The following IL12RB2 variants were observed in gnomAD, a reference collection of about 807,000 sequenced individuals.
IL12RB2 encodes the protein interleukin-12 receptor subunit beta-2.
Under a neutral mutation model 89.4 loss-of-function variants are expected in IL12RB2, and 82 were observed. The observed-to-expected ratio is 0.92, with a 90% CI of 0.77 to 1.10. The LOEUF (loss-of-function observed/expected upper bound fraction) is 1.10. IL12RB2 is among the 50% of genes least tolerant of loss of function. The pLI, the probability that IL12RB2 is intolerant of heterozygous loss-of-function variation, is 0.00. For synonymous variants in IL12RB2, 368 were observed against 370.1 expected (o/e 0.99, Z 0.07); for missense variants, 963 against 1,031.9 (o/e 0.93, Z 0.92).
rs746456201 is a variant in IL12RB2 at position 67,321,605 on chromosome 1, C to G, written c.80C>G (p.Ala27Gly). The change falls in exon 4 of 17, where the codon GCG becomes GGG. Residue 27 changes from alanine to glycine, a missense_variant. Coordinates refer to ENST00000674203, the MANE Select transcript of IL12RB2 (RefSeq NM_001374259.2). ...TWLLIKAKID[A>G]CKRGDVTVKP... The stretch of plus-strand genomic sequence containing the variant: ...TTGCATCTGTATCTTATTGCAGATG[C>G]GTGCAAGAGAGGCGATGTGACTGTG... 2.5e-6 allele frequency: 4 copies of G among 1,588,730 alleles called. No homozygotes were observed. The highest frequency in any genetic ancestry group is 3.5e-6 in the Non-Finnish European group (4 of 1,157,382).
At chr1:67,355,802 A>G (rs1195874060) in intron 10 of IL12RB2, among the ~76,000 whole-genome samples, 1 of 152,218 alleles carries the variant, frequency 6.6e-6, no homozygotes, top group East Asian at 1.9e-4. Context: ...GGAGAAGGTG[A>G]GTTGTTAGCA....
At chr1:67,347,453 A>G (rs1660364113) in intron 9 of IL12RB2, among the ~76,000 whole-genome samples, 1 of 152,218 alleles carries the variant, frequency 6.6e-6, no homozygotes, top group South Asian at 2.1e-4. Context: ...AATTAAAAAT[A>G]AAAACAGATG....
chr1:67,321,058 A>G (rs2100593996), intron 3 of IL12RB2, among the ~76,000 whole-genome samples: 1 of 149,116 alleles, frequency 6.7e-6, no homozygotes, highest in Non-Finnish European at 1.5e-5. Flanking sequence ...GCCGTCCACA[A>G]GTTTGGTTTG....
At chr1:67,362,435 G>A (rs904885819) in intron 10 of IL12RB2, among the ~76,000 whole-genome samples, 1 of 147,018 alleles carries the variant, frequency 6.8e-6, no homozygotes, top group African/African-American at 2.5e-5. Flanking sequence ...GCGCGGTGGC[G>A]GGCGCCTGTA....
chr1:67,311,056 G>A (rs921317761), intron 1 of IL12RB2, among the ~76,000 whole-genome samples: 1 of 152,120 alleles, frequency 6.6e-6, no homozygotes, highest in Non-Finnish European at 1.5e-5. Flanking sequence ...TTTTACAGAT[G>A]AAGGAACTTA....
chr1:67,340,783 G>A (rs1200706317), intron 9 of IL12RB2, among the ~76,000 whole-genome samples: 1 of 152,234 alleles, frequency 6.6e-6, no homozygotes, highest in Non-Finnish European at 1.5e-5. Context: ...GTGATGCTTG[G>A]TAAATGTGAG....
At chr1:67,309,593 A>T (rs1654747931) in intron 1 of IL12RB2, among the ~76,000 whole-genome samples, 1 of 152,226 alleles carries the variant, frequency 6.6e-6, no homozygotes, top group African/African-American at 2.4e-5. Flanking sequence ...GCTCTTTTCC[A>T]TATGTCATGC....
intron 10 of IL12RB2, among the ~76,000 whole-genome samples, chr1:67,362,908 C>CA (rs1557447797): frequency 1.7e-5 from 2 of 115,346 alleles, no homozygotes; most frequent in Non-Finnish European, 4.2e-5. Context: ...TTTAATTACT[C>CA]GTTTTTTTTT....
Position 67,315,681 on chromosome 1 carries a change from A to G in IL12RB2, c.-37+1681A>G, listed in dbSNP as rs373846691. On this transcript the variant is annotated intron_variant, in intron 2 of 16. Coordinates refer to ENST00000674203, the MANE Select transcript of IL12RB2 (RefSeq NM_001374259.2). ...AAGACCCAAAGAAGTAGAGTCAGTT[A>G]CTTAAATATTGGATTGAGCAAAGAA... 5.9e-5 allele frequency among the ~76,000 whole-genome samples: 9 copies of G among 152,368 alleles called. No individual in the cohort carries two copies. In the East Asian group the frequency reaches 7.7e-4, roughly 13 times the overall value.
intron 5 of IL12RB2, 83 bp downstream of exon 5, chr1:67,326,932 T>A (rs371521078): frequency 9.5e-7 from 1 of 1,054,868 alleles, no homozygotes; most frequent in Non-Finnish European, 1.2e-6. Flanking sequence ...TCTTTATTTA[T>A]TTTTATTTTA....
In IL12RB2 at chr1:67,395,611, C is replaced by T. The variant is rs761763122; in HGVS notation, c.2111C>T (p.Pro704Leu). ...TGGCCCACGCCTGAAGATCCTGAAC[C>T]GCTGGTCATCAGTGAAGTCCTTCAT... is the stretch of plus-strand genomic sequence containing the variant. Reference protein sequence around the residue: ...IDWPTPEDPEPLVISEVLHQV... With the variant: ...IDWPTPEDPELLVISEVLHQV... The change falls in exon 17 of 17, where the codon CCG (proline) becomes CTG (leucine). Residue 704 changes from proline (P) to leucine (L), a missense_variant. Physicochemically the swap from Pro to Leu is moderately conservative, Grantham distance 98. Coordinates refer to ENST00000674203, the MANE Select transcript of IL12RB2 (RefSeq NM_001374259.2). 9.3e-6 allele frequency: 15 copies of T among 1,614,088 alleles called. 1 individual carries two copies. Among genetic ancestry groups the T allele is most frequent in the East Asian group, 2.2e-5 (1 of 44,894 alleles).
chr1:67,363,919 G>A (rs182732229), intron 10 of IL12RB2, among the ~76,000 whole-genome samples: 1 of 152,252 alleles, frequency 6.6e-6, no homozygotes, highest in East Asian at 1.9e-4. Flanking sequence ...AACAAAATGA[G>A]GGATAGATGA....
chr1:67,378,848 CAAAAAAAAAAA>C (rs56260019), intron 13 of IL12RB2, among the ~76,000 whole-genome samples: 1 of 91,902 alleles, frequency 1.1e-5, no homozygotes, highest in South Asian at 3.5e-4. Flanking sequence ...AGACTCTTCT[CAAAAAAAAAAA>C]AAAAAAAAAA....
chr1:67,359,509 G>A (rs966712939), intron 10 of IL12RB2, among the ~76,000 whole-genome samples: 1 of 152,082 alleles, frequency 6.6e-6, no homozygotes, highest in Non-Finnish European at 1.5e-5. Context: ...ATCACTTGTG[G>A]TTAGGAGTTC....
In IL12RB2 at chr1:67,338,659, C is replaced by T. The variant is rs748707538; in HGVS notation, c.994C>T (p.Arg332Trp). ...TGMLDVWYMK[R>W]HIDYSRQQIS... ...GATGTTAGATGTCTGGTACATGAAACGGCACATTGACTACAGTAGACAACA... is the reference window on the plus strand; with the variant it reads ...GATGTTAGATGTCTGGTACATGAAATGGCACATTGACTACAGTAGACAACA... Residue 332 changes from arginine (R) to tryptophan (W), a missense_variant, in exon 9 of 17, where the codon CGG (arginine) becomes TGG (tryptophan). Arg to Trp is a moderately radical substitution (Grantham distance 101). Transcript: ENST00000674203. 1.6e-5 allele frequency: 25 copies of T among 1,560,012 alleles called. No individual in the cohort carries two copies. The highest frequency in any genetic ancestry group is 1.2e-4 in the Admixed American group (7 of 59,910).
intron 14 of IL12RB2, among the ~76,000 whole-genome samples, chr1:67,382,848 G>A (rs1250753488): frequency 1.3e-5 from 2 of 151,956 alleles, no homozygotes; most frequent in Non-Finnish European, 2.9e-5. Context: ...TGAGACTATA[G>A]GCTCCTGCCA....
Position 67,338,658 on chromosome 1 carries a change from A to G in IL12RB2, c.993A>G (p.Lys331=), listed in dbSNP as rs943199534. ...PTGMLDVWYM[K]RHIDYSRQQI... is the part of the protein sequence containing the mutation. ...GGATGTTAGATGTCTGGTACATGAA[A>G]CGGCACATTGACTACAGTAGACAAC... Residue 331 remains lysine (K), a synonymous_variant, in exon 9 of 17, where the codon AAA becomes AAG. Transcript: ENST00000674203. 2.5e-5 allele frequency: 39 copies of G among 1,561,304 alleles called. No homozygotes were observed. Among genetic ancestry groups the G allele is most frequent in the Non-Finnish European group, 3.3e-5 (37 of 1,131,860 alleles).
intron 2 of IL12RB2, among the ~76,000 whole-genome samples, chr1:67,315,061 A>G (rs1655589429): frequency 6.6e-6 from 1 of 152,112 alleles, no homozygotes; most frequent in Admixed American, 6.5e-5. Context: ...GGGATTCTGA[A>G]CTTCTCATAA....
intron 10 of IL12RB2, among the ~76,000 whole-genome samples, chr1:67,359,455 C>T (rs1298499491): frequency 6.6e-6 from 1 of 152,172 alleles, no homozygotes; most frequent in Non-Finnish European, 1.5e-5. Flanking sequence ...GGCACAGTGG[C>T]TTACACCTGT....
Sources: allele counts gnomAD v4.1 joint callset (sites outside exome capture counted in the v4.1 genomes callset), GRCh38; gene constraint gnomAD v4.1.1; transcripts MANE v1.5; gene names NCBI Gene and HGNC (gene_info 2026-07-23, HGNC 2026-07-21).